Variants in DCUN1D3 observed in about 807,000 individuals in gnomAD.
DCUN1D3 encodes the protein defective in cullin neddylation 1 domain containing 3, also known as DCN1-like protein 3.
A neutral mutation model predicts 24.8 loss-of-function variants in DCUN1D3; 6 were observed. The ratio of observed to expected loss-of-function variants is 0.24; its 90% CI spans 0.13 to 0.48. The LOEUF is 0.48. DCUN1D3 is among the 20% of genes least tolerant of loss of function. DCUN1D3 has a pLI of 0.99. For missense variants in DCUN1D3, 258 were observed against 379.4 expected (o/e 0.68, Z 2.66); for synonymous variants, 120 against 144.9 (o/e 0.83, Z 1.24).
intron 1 of DCUN1D3, among the ~76,000 whole-genome samples, chr16:20,884,061 A>T (rs1434160848): frequency 1.3e-5 from 2 of 152,218 alleles, no homozygotes; most frequent in African/African-American, 4.8e-5. Flanking sequence ...GTGCTGGAAC[A>T]TGTAAGAATG....
intron 1 of DCUN1D3, among the ~76,000 whole-genome samples, chr16:20,865,938 A>T (rs1469021838): frequency 2.0e-5 from 3 of 152,330 alleles, no homozygotes; most frequent in South Asian, 4.2e-4. Flanking sequence ...CAAAGAGAGC[A>T]ATGACAAAAA....
intron 1 of DCUN1D3, among the ~76,000 whole-genome samples, chr16:20,875,036 A>G (rs1162759543): frequency 2.0e-5 from 3 of 152,124 alleles, no homozygotes; most frequent in Non-Finnish European, 4.4e-5. Context: ...CTGCCACCTA[A>G]TGGCCACCAC....
In DCUN1D3 at chr16:20,860,058, T is replaced by A; in HGVS notation, c.743A>T (p.Asn248Ile). The part of the protein sequence containing the change: ...ISRDTWNMFL[N>I]FTQVIGPDLS... ...GTCAGGGCCAATCACCTGAGTGAAGTTAAGGAACATGTTCCAAGTGTCCCG... is the reference window on the plus strand; with the variant it reads ...GTCAGGGCCAATCACCTGAGTGAAGATAAGGAACATGTTCCAAGTGTCCCG... The change falls in exon 3 of 3, where the codon AAC becomes ATC. Residue 248 changes from asparagine to isoleucine, a missense_variant. Coordinates refer to ENST00000324344, the MANE Select transcript of DCUN1D3 (RefSeq NM_173475.4). The surrounding 1 kb of genome is among the most constrained non-coding windows in gnomAD (Gnocchi z 4.3). The A allele has an allele frequency of 6.2e-7, 1 of 1,614,236 alleles. No homozygotes were observed. The highest frequency in any genetic ancestry group is 2.2e-5 in the East Asian group (1 of 44,892).
At chr16:20,899,342 T>TC (rs2081944737) in intron 1 of DCUN1D3, among the ~76,000 whole-genome samples, 1 of 152,228 alleles carries the variant, frequency 6.6e-6, no homozygotes, top group South Asian at 2.1e-4. Flanking sequence ...CATTCAGGAT[T>TC]CCTTGCAAAG....
intron 1 of DCUN1D3, among the ~76,000 whole-genome samples, chr16:20,870,360 C>T (rs902235974): frequency 2.6e-5 from 4 of 152,144 alleles, no homozygotes; most frequent in Non-Finnish European, 4.4e-5. Context: ...ATCTGAACAA[C>T]GAGGGATAGG....
chr16:20,862,316 C>A lies in DCUN1D3; in HGVS notation c.223G>T (p.Ala75Ser), dbSNP rs2081737704. Residue 75 changes from alanine (A) to serine (S), a missense_variant, in exon 2 of 3, where the codon GCT becomes TCT. Ala to Ser is a moderately conservative substitution (Grantham distance 99, BLOSUM62 1). Transcript: ENST00000324344. ...ACQLPTSSGD[A>S]GRESKSNAEE... ...GCATTGGACTTGGACTCCCTCCCAG[C>A]ATCTCCCGAGGACGTTGGCAGCTGG... 6.2e-7 allele frequency: 1 copy of A among 1,614,220 alleles called. No homozygotes were observed. Among genetic ancestry groups the A allele is most frequent in the Non-Finnish European group, 8.5e-7 (1 of 1,180,036 alleles).
chr16:20,898,789 T>C (rs1453233386), intron 1 of DCUN1D3, among the ~76,000 whole-genome samples: 1 of 152,206 alleles, frequency 6.6e-6, no homozygotes, highest in Non-Finnish European at 1.5e-5. Flanking sequence ...CAGAAAACAG[T>C]TTCAGATTCT....
chr16:20,868,633 G>A (rs1212104444), intron 1 of DCUN1D3, among the ~76,000 whole-genome samples: 4 of 152,196 alleles, frequency 2.6e-5, no homozygotes, highest in Admixed American at 2.6e-4. Flanking sequence ...CACAACTTTG[G>A]TGACAGAATC....
chr16:20,868,662 C>G (rs1030441108), intron 1 of DCUN1D3, among the ~76,000 whole-genome samples: 1 of 152,188 alleles, frequency 6.6e-6, no homozygotes, highest in African/African-American at 2.4e-5. Context: ...TCTCCTAGAA[C>G]AGTGCTCTTT....
intron 1 of DCUN1D3, among the ~76,000 whole-genome samples, chr16:20,875,954 T>C (rs1481813083): frequency 6.6e-6 from 1 of 152,054 alleles, no homozygotes; most frequent in East Asian, 1.9e-4. Context: ...AATAATAATC[T>C]GATTTTTATT....
intron 1 of DCUN1D3, among the ~76,000 whole-genome samples, chr16:20,885,715 T>C (rs2081865388): frequency 6.6e-6 from 1 of 152,212 alleles, no homozygotes; most frequent in African/African-American, 2.4e-5. Context: ...CCCCACTATG[T>C]TGAATTATGA....
At chr16:20,874,849 C>A (rs2081805838) in intron 1 of DCUN1D3, among the ~76,000 whole-genome samples, 1 of 151,868 alleles carries the variant, frequency 6.6e-6, no homozygotes, top group African/African-American at 2.4e-5. Flanking sequence ...CTTATTTTCA[C>A]AAATGCTCAT....
chr16:20,864,395 A>G (rs1305376693), intron 1 of DCUN1D3, among the ~76,000 whole-genome samples: 2 of 152,156 alleles, frequency 1.3e-5, no homozygotes, highest in Non-Finnish European at 2.9e-5. Flanking sequence ...AAAAAGCTCA[A>G]TATCACTGAT....
intron 1 of DCUN1D3, among the ~76,000 whole-genome samples, chr16:20,867,528 G>A (rs1167445355): frequency 6.6e-6 from 1 of 152,186 alleles, no homozygotes; most frequent in Non-Finnish European, 1.5e-5. Context: ...GCCCAACTGC[G>A]CCACTGGCTA....
intron 2 of DCUN1D3, 150 bp downstream of exon 2, chr16:20,861,957 AT>A: frequency 1.2e-6 from 1 of 807,586 alleles, no homozygotes; most frequent in Non-Finnish European, 1.9e-6. Flanking sequence ...GGCTCAAAAG[AT>A]TCAAGCTTTA....
In DCUN1D3 at chr16:20,896,455, C is replaced by T. The variant is rs572561435; in HGVS notation, c.-106+3749G>A. On this transcript the variant is annotated intron_variant, in intron 1 of 2. Transcript: ENST00000324344. ...AGCTCAGCTCCGAAAATCCAATCCA[C>T]TTAAATTTGTGGATTCTTTCCCCAA... 2.6e-5 allele frequency: 4 copies of T among 152,284 alleles called. No homozygotes were observed. In the East Asian group the frequency reaches 7.7e-4, roughly 29 times the overall value. The allele number at this position is 152,284 out of a possible 1,614,324, so 9.4% of individuals were successfully genotyped here. A position where few individuals can be genotyped will look rare whatever the true frequency, so the allele number is the denominator to read the frequency against.
intron 1 of DCUN1D3, among the ~76,000 whole-genome samples, chr16:20,863,720 G>A (rs1289029219): frequency 6.6e-6 from 1 of 152,112 alleles, no homozygotes. Context: ...TGCAACCTGG[G>A]TGACAAAGAC....
At chr16:20,882,125 T>G (rs1282004220) in intron 1 of DCUN1D3, among the ~76,000 whole-genome samples, 1 of 151,794 alleles carries the variant, frequency 6.6e-6, no homozygotes, top group African/African-American at 2.4e-5. Flanking sequence ...CTGTTACCAC[T>G]GCTCAGAATC....
intron 1 of DCUN1D3, among the ~76,000 whole-genome samples, chr16:20,880,158 T>C (rs560869933): frequency 6.6e-6 from 1 of 152,298 alleles, no homozygotes; most frequent in Admixed American, 6.5e-5. Context: ...TACACATTAT[T>C]TATTCCCTTG....
Sources: gnomAD v4.1 joint callset for allele counts (sites outside exome capture counted in the v4.1 genomes callset) on GRCh38, gnomAD v4.1.1 for gene constraint, Gnocchi (gnomAD v3.1) non-coding constraint, MANE v1.5 for transcripts, NCBI Gene and HGNC (gene_info 2026-07-23, HGNC 2026-07-21) for gene names.